SLC2A13: variants seen among roughly 807,000 people sequenced by gnomAD.
SLC2A13 encodes the protein solute carrier family 2 member 13.
A neutral mutation model predicts 64.4 loss-of-function variants in SLC2A13; 32 were observed. The observed-to-expected ratio is 0.50, with a 90% CI of 0.37 to 0.67. The LOEUF is 0.67. SLC2A13 is among the 30% of genes least tolerant of loss of function. The pLI, the probability that SLC2A13 is intolerant of heterozygous loss-of-function variation, is 0.00. For missense variants in SLC2A13, 743 were observed against 829.2 expected (o/e 0.90, Z 1.28); for synonymous variants, 338 against 327.1 (o/e 1.03, Z -0.36).
At chr12:39,828,065 C>T (rs561008301) in intron 7 of SLC2A13, among the ~76,000 whole-genome samples, 31 of 152,174 alleles carry the variant, frequency 2.0e-4, no homozygotes, top group Non-Finnish European at 4.4e-4. Context: ...CACCAATCAA[C>T]CAACAAAAAT....
intron 4 of SLC2A13, among the ~76,000 whole-genome samples, chr12:39,937,660 T>C (rs1945939522): frequency 6.6e-6 from 1 of 152,192 alleles, no homozygotes; most frequent in African/African-American, 2.4e-5. Flanking sequence ...TTGCTGATAC[T>C]TTACAAACCA....
chr12:40,058,658 C>A (rs1230613775), intron 1 of SLC2A13, among the ~76,000 whole-genome samples: 1 of 152,092 alleles, frequency 6.6e-6, no homozygotes. Flanking sequence ...ACATGTAACT[C>A]CAAATTGCTT....
chr12:39,921,390 C>A (rs780326546), intron 4 of SLC2A13, among the ~76,000 whole-genome samples: 4 of 152,054 alleles, frequency 2.6e-5, no homozygotes, highest in Non-Finnish European at 5.9e-5. Flanking sequence ...CCCTGGCTGT[C>A]ACATTTTACC....
At chr12:39,796,314 G>C (rs565128135) in intron 7 of SLC2A13, among the ~76,000 whole-genome samples, 1 of 151,788 alleles carries the variant, frequency 6.6e-6, no homozygotes, top group South Asian at 2.1e-4. Context: ...ACAATTCTGG[G>C]TGCAGTGGCA....
chr12:40,006,509 A>C (rs985787122), intron 3 of SLC2A13, among the ~76,000 whole-genome samples: 8 of 152,248 alleles, frequency 5.3e-5, no homozygotes, highest in Non-Finnish European at 1.2e-4. Context: ...ATTAAATGTA[A>C]GCTTATTAGT....
intron 1 of SLC2A13, among the ~76,000 whole-genome samples, chr12:40,078,962 T>G (rs1230471857): frequency 6.6e-6 from 1 of 152,172 alleles, no homozygotes; most frequent in East Asian, 1.9e-4. Flanking sequence ...TTTTCTGCAT[T>G]TCTGTGGGGT....
intron 7 of SLC2A13, among the ~76,000 whole-genome samples, chr12:39,800,377 A>G (rs1301064617): frequency 2.6e-5 from 4 of 151,872 alleles, no homozygotes; most frequent in African/African-American, 9.7e-5. Flanking sequence ...AGAATCTACA[A>G]TGAACTCAAA....
chr12:39,898,472 C>T (rs1592261712), intron 4 of SLC2A13, among the ~76,000 whole-genome samples: 4 of 150,058 alleles, frequency 2.7e-5, no homozygotes, highest in African/African-American at 9.7e-5. Context: ...CATATTCTGC[C>T]ACTCAGTAGT....
rs1037236479 is a variant in SLC2A13 at position 39,864,647 on chromosome 12, A to G, written c.1319+115T>C. On this transcript the variant is annotated intron_variant, in intron 6 of 9. Transcript: ENST00000280871. ...CTTTCCCATTTTCTTCCCTTCTTACATAAGCCTGGATGCCCAGCAAGCTCC... is the reference window on the plus strand; with the variant it reads ...CTTTCCCATTTTCTTCCCTTCTTACGTAAGCCTGGATGCCCAGCAAGCTCC... 18 of 1,387,792 alleles carry G rather than the reference A, an allele frequency of 1.3e-5. No individual in the cohort carries two copies. In the Admixed American group the frequency reaches 2.2e-4, roughly 17 times the overall value. The allele number at this position is 1,387,792 out of a possible 1,614,324, so 86.0% of individuals were successfully genotyped here. A position where few individuals can be genotyped will look rare whatever the true frequency, so the allele number is the denominator to read the frequency against.
intron 7 of SLC2A13, among the ~76,000 whole-genome samples, chr12:39,785,561 T>A (rs986986772): frequency 2.6e-5 from 4 of 152,138 alleles, no homozygotes; most frequent in African/African-American, 9.7e-5. Flanking sequence ...GAGTCCCTAC[T>A]GGGGCACTGC....
chr12:39,912,962 CTTCT>C (rs1490435985), intron 4 of SLC2A13, among the ~76,000 whole-genome samples: 1 of 152,092 alleles, frequency 6.6e-6, no homozygotes. Context: ...GTACTAGTGG[CTTCT>C]TTGTCTTATA....
chr12:39,928,084 C>T (rs906197315), intron 4 of SLC2A13, among the ~76,000 whole-genome samples: 5 of 152,084 alleles, frequency 3.3e-5, no homozygotes, highest in African/African-American at 4.8e-5. Context: ...ACTTACATTA[C>T]TTCATCGAAA....
rs563323444 is a variant in SLC2A13 at position 39,775,705 on chromosome 12, T to C, written c.1446-10847A>G. 2.0e-5 allele frequency among the ~76,000 whole-genome samples: 3 copies of C among 152,286 alleles called. No homozygotes were observed. In the East Asian group the frequency reaches 5.8e-4, roughly 29 times the overall value. On this transcript the variant is annotated intron_variant, in intron 7 of 9. Transcript: ENST00000280871. ...TCAAACTACAAATACTGCCAGAGAA[T>C]AAGTTATATGGATAAGAGTGACTGG...
intron 6 of SLC2A13, among the ~76,000 whole-genome samples, chr12:39,837,169 C>A (rs1943031495): frequency 1.5e-5 from 2 of 134,806 alleles, no homozygotes; most frequent in Non-Finnish European, 3.1e-5. Context: ...AGAACAGAGC[C>A]CTCAGAAATA....
intron 6 of SLC2A13, among the ~76,000 whole-genome samples, chr12:39,851,957 T>C (rs1200873292): frequency 6.6e-6 from 1 of 152,228 alleles, no homozygotes; most frequent in Non-Finnish European, 1.5e-5. Context: ...ATGGGAACAA[T>C]GTCTTATATA....
intron 7 of SLC2A13, among the ~76,000 whole-genome samples, chr12:39,767,661 A>G (rs4488272): frequency 0.98 from 149,095 of 152,166 alleles, 73,054 homozygotes; most frequent in East Asian, 1. Flanking sequence ...GATATGGTTT[A>G]GCTGTGTCTT....
chr12:39,867,430 C>T (rs1349414931), intron 5 of SLC2A13, among the ~76,000 whole-genome samples: 1 of 151,780 alleles, frequency 6.6e-6, no homozygotes, highest in East Asian at 1.9e-4. Flanking sequence ...CCATACTATA[C>T]ATTTTCGCAA....
chr12:39,769,464 C>T (rs1159075260), intron 7 of SLC2A13, among the ~76,000 whole-genome samples: 1 of 152,070 alleles, frequency 6.6e-6, no homozygotes, highest in Admixed American at 6.6e-5. Context: ...CTTTGAACAT[C>T]AATTTTTCTC....
At chr12:39,838,566 A>G (rs1592190605) in intron 6 of SLC2A13, among the ~76,000 whole-genome samples, 2 of 151,776 alleles carry the variant, frequency 1.3e-5, no homozygotes, top group South Asian at 4.2e-4. Context: ...AAAAGTAAGT[A>G]TTCATATATT....
Sources: allele counts gnomAD v4.1 joint callset (sites outside exome capture counted in the v4.1 genomes callset), GRCh38; gene constraint gnomAD v4.1.1; transcripts MANE v1.5; gene names NCBI Gene and HGNC (gene_info 2026-07-23, HGNC 2026-07-21).